The following SCLY variants were observed in gnomAD, a reference collection of about 807,000 sequenced individuals.
The protein encoded by SCLY is putative selenocysteine lyase.
A neutral mutation model predicts 50.1 loss-of-function variants in SCLY; 38 were observed. The observed-to-expected ratio is 0.76, with a 90% CI of 0.59 to 0.99. SCLY has a LOEUF of 0.99. Among genes scored for constraint, SCLY ranks in the 50% least tolerant of loss-of-function variants. The pLI is 0.00. For synonymous variants in SCLY, 243 were observed against 249.4 expected (o/e 0.97, Z 0.24); for missense variants, 600 against 620.0 (o/e 0.97, Z 0.34).
chr2:238,061,206 G>T, intron 1 of SCLY, 63 bp downstream of exon 1: 2 of 1,256,732 alleles, frequency 1.6e-6, no homozygotes, highest in South Asian at 1.3e-5. Context: ...TCCCGCGCGG[G>T]AGGACGAAGG....
rs1559255437 is a variant in SCLY at position 238,099,213 on chromosome 2, CTTAAT to C, written c.*861_*865del. On this transcript the variant is annotated 3_prime_UTR_variant, in exon 12 of 12. Transcript: ENST00000254663. ...GGATCATCCCTGACTCAGCTTTTAC[CTTAAT>C]TTTATTTGCAGAGGATTCTTTTCTC... 2.1e-6 allele frequency: 1 copy of C among 471,106 alleles called. No individual in the cohort carries two copies. The highest frequency in any genetic ancestry group is 1.6e-5 in the South Asian group (1 of 64,344). The allele number at this position is 471,106 out of a possible 1,614,324, so 29.2% of individuals were successfully genotyped here. A position where few individuals can be genotyped will look rare whatever the true frequency, so the allele number is the denominator to read the frequency against.
chr2:238,081,472 G>C, intron 4 of SCLY: 1 of 485,068 alleles, frequency 2.1e-6, no homozygotes, highest in Non-Finnish European at 3.7e-6. Flanking sequence ...AAGGCACACA[G>C]CTTCCACGAC....
Position 238,064,388 on chromosome 2 carries a change from C to A in SCLY, c.121C>A (p.Pro41Thr). 6.2e-7 allele frequency: 1 copy of A among 1,609,766 alleles called. No individual in the cohort carries two copies. The highest frequency in any genetic ancestry group is 8.5e-7 in the Non-Finnish European group (1 of 1,178,222). ...TTATATGGACTATAATGCAACGACTCCCCTGGAGCCAGAAGTTATCCAGGC... is the reference window on the plus strand; with the variant it reads ...TTATATGGACTATAATGCAACGACTACCCTGGAGCCAGAAGTTATCCAGGC... ...KVYMDYNATTPLEPEVIQAMT... is the reference protein window; with the variant it reads ...KVYMDYNATTTLEPEVIQAMT... Residue 41 changes from proline (P) to threonine (T), a missense_variant, in exon 2 of 12, where the codon CCC becomes ACC. Coordinates refer to ENST00000254663, the MANE Select transcript of SCLY (RefSeq NM_016510.7).
At chr2:238,091,156 T>C (rs1257047770) in intron 7 of SCLY, 62 bp from the exon 8 acceptor site, 7 of 1,392,220 alleles carry the variant, frequency 5.0e-6, no homozygotes, top group Non-Finnish European at 7.2e-6. Flanking sequence ...ATGACTTTCA[T>C]GGAGACAGGA....
intron 6 of SCLY, chr2:238,082,912 T>G: frequency 5.8e-6 from 2 of 346,140 alleles, no homozygotes; most frequent in Non-Finnish European, 1.2e-5. Context: ...TATTTATGCA[T>G]TCTCTTTCTT....
intron 11 of SCLY, 85 bp from the exon 12 acceptor site, chr2:238,098,117 C>G (rs76864137): frequency 6.7e-7 from 1 of 1,502,106 alleles, no homozygotes; most frequent in East Asian, 2.4e-5. Flanking sequence ...CAGAGCCCCA[C>G]TAGGGGAGTG....
intron 1 of SCLY, among the ~76,000 whole-genome samples, 171 bp from the exon 2 acceptor site, chr2:238,064,186 T>C (rs821480): frequency 0.86 from 130,939 of 152,234 alleles, 56,438 homozygotes; most frequent in East Asian, 0.97. Flanking sequence ...ATAAGTAGTG[T>C]AGATCTGTAG....
chr2:238,076,536 T>C (rs962933084), intron 4 of SCLY, among the ~76,000 whole-genome samples: 1 of 152,138 alleles, frequency 6.6e-6, no homozygotes, highest in Non-Finnish European at 1.5e-5. Context: ...GGTTTTTTTT[T>C]TCTATGACCC....
At chr2:238,091,551 A>AG in intron 8 of SCLY, 15 of 404,470 alleles carry the variant, frequency 3.7e-5, no homozygotes, top group South Asian at 1.0e-4. Context: ...CAGGTTCACC[A>AG]TTCCCAAAGG....
chr2:238,072,573 G>A (rs1312376665), intron 4 of SCLY, among the ~76,000 whole-genome samples: 4 of 152,268 alleles, frequency 2.6e-5, no homozygotes, highest in South Asian at 4.1e-4. Context: ...ATTATTGCCA[G>A]CCTAGTAGGT....
At position 238,067,870 on chromosome 2, in the gene SCLY, G is replaced by T. The variant is rs760518703; in HGVS notation, c.203-195G>T. ...TAACTCTCAGTTTGGTCCCTGGTTC[G>T]CTGCTGTCTCGGCCGCCCCTTTGCC... On this transcript the variant is annotated intron_variant, in intron 2 of 11. Transcript: ENST00000254663. The surrounding 1 kb of genome is among the most constrained non-coding windows in gnomAD (Gnocchi z 4.3). 2.6e-5 allele frequency among the ~76,000 whole-genome samples: 4 copies of T among 152,142 alleles called. No individual in the cohort carries two copies. Among genetic ancestry groups the T allele is most frequent in the Non-Finnish European group, 5.9e-5 (4 of 68,038 alleles).
chr2:238,067,913 T>C lies in SCLY; in HGVS notation c.203-152T>C. On this transcript the variant is annotated intron_variant, in intron 2 of 11. Coordinates refer to ENST00000254663, the MANE Select transcript of SCLY (RefSeq NM_016510.7). The surrounding 1 kb of genome is among the most constrained non-coding windows in gnomAD (Gnocchi z 4.3). ...CCTTTGCCGGGTTGTGTCTAGGTTG[T>C]AGCATTTTGCTGTGCTCACATTAAG... 1.8e-6 allele frequency: 1 copy of C among 554,884 alleles called. No homozygotes were observed. Among genetic ancestry groups the C allele is most frequent in the Non-Finnish European group, 3.2e-6 (1 of 314,412 alleles). 34.4% of individuals were successfully genotyped at this position (554,884 alleles called of 1,614,324 possible). A position where few individuals can be genotyped will look rare whatever the true frequency, so the allele number is the denominator to read the frequency against.
At chr2:238,096,907 C>T (rs370241041) in intron 11 of SCLY, 31 bp downstream of exon 11, 1 of 1,569,738 alleles carries the variant, frequency 6.4e-7, no homozygotes, top group Non-Finnish European at 8.7e-7. Flanking sequence ...CAGTCCAGGG[C>T]ATAGGGGTCC....
chr2:238,062,406 ATTT>A (rs11335455), intron 1 of SCLY, among the ~76,000 whole-genome samples: 226 of 145,344 alleles, frequency 1.6e-3, no homozygotes, highest in Middle Eastern at 3.6e-3. Context: ...CTATTGAGTG[ATTT>A]TTTTTTTTTT....
At chr2:238,087,955 G>A (rs1429128333) in intron 7 of SCLY, among the ~76,000 whole-genome samples, 1 of 152,108 alleles carries the variant, frequency 6.6e-6, no homozygotes, top group Admixed American at 6.6e-5. Flanking sequence ...AACTGGGCAT[G>A]GTGGTACATG....
At chr2:238,093,408 C>T in intron 8 of SCLY, 1 of 194,660 alleles carries the variant, frequency 5.1e-6, no homozygotes, top group Non-Finnish European at 1.1e-5. Context: ...CCACGCCAGG[C>T]CCCTCTGTTC....
Position 238,066,145 on chromosome 2 carries a change from C to T in SCLY, c.202+1676C>T, listed in dbSNP as rs577285844. On this transcript the variant is annotated intron_variant, in intron 2 of 11. Coordinates refer to ENST00000254663, the MANE Select transcript of SCLY (RefSeq NM_016510.7). This position sits in a 1 kb window ranked among gnomAD's most constrained non-coding sequence, Gnocchi z 4.1. ...ATTTTTATGAAAAATAAACTATCTT[C>T]GGCAAAACAAGAAACCTAGTGAGCA... Among the ~76,000 whole-genome samples the T allele has an allele frequency of 6.6e-6, 1 of 152,136 alleles. No individual in the cohort carries two copies. The highest frequency in any genetic ancestry group is 2.4e-5 in the African/African-American group (1 of 41,416).
rs565518745 is a variant in SCLY at position 238,074,328 on chromosome 2, G to A, written c.484+4851G>A. On this transcript the variant is annotated intron_variant, in intron 4 of 11. Coordinates refer to ENST00000254663, the MANE Select transcript of SCLY (RefSeq NM_016510.7). The stretch of plus-strand genomic sequence containing the variant: ...CTCAAAAAAAAAAAAAAGTTTTTGG[G>A]GAGTCAAAAGTTAGACACAAATTTT... Among the ~76,000 whole-genome samples the A allele has an allele frequency of 6.6e-5, 10 of 152,028 alleles. No individual in the cohort carries two copies. In the South Asian group the frequency reaches 8.3e-4, roughly 13 times the overall value.
Position 238,069,293 on chromosome 2 carries a change from GCAGT to G in SCLY, c.304-1_306del. 1.2e-6 allele frequency: 2 copies of G among 1,612,474 alleles called. No homozygotes were observed. Among genetic ancestry groups the G allele is most frequent in the Non-Finnish European group, 1.7e-6 (2 of 1,179,354 alleles). On this transcript the variant is annotated splice_acceptor_variant and splice_polypyrimidine_tract_variant and coding_sequence_variant and intron_variant, in exon 4 of 12. Transcript: ENST00000254663. LOFTEE classifies it high-confidence loss of function. The surrounding 1 kb of genome is among the most constrained non-coding windows in gnomAD (Gnocchi z 5.0). ...TAAATGCTTTTTTTGCTGTATCTCT[GCAGT>G]CAAATAATTTAGTAATCCATTCTGT...
Sources: gnomAD v4.1 joint callset for allele counts (sites outside exome capture counted in the v4.1 genomes callset) on GRCh38, gnomAD v4.1.1 for gene constraint, Gnocchi (gnomAD v3.1) non-coding constraint, MANE v1.5 for transcripts, NCBI Gene and HGNC (gene_info 2026-07-23, HGNC 2026-07-21) for gene names.